Variants in CPM observed in about 807,000 individuals in gnomAD.
CPM encodes renal carboxypeptidase.
Under a neutral mutation model 46.4 loss-of-function variants are expected in CPM, and 35 were observed. The ratio of observed to expected loss-of-function variants is 0.75; its 90% CI spans 0.58 to 1.00. CPM has a LOEUF of 1.00. CPM is among the 50% of genes least tolerant of loss of function. The pLI, the probability that CPM is intolerant of heterozygous loss-of-function variation, is 0.00. For missense variants in CPM, 422 were observed against 530.4 expected, an observed-to-expected ratio of 0.80 and a Z score of 2.01; for synonymous variants, 195 against 195.3, an observed-to-expected ratio of 1.00 and a Z score of 0.01.
At chr12:68,925,208 A>T (rs1288269968) in intron 2 of CPM, among the ~76,000 whole-genome samples, 1 of 152,214 alleles carries the variant, frequency 6.6e-6, no homozygotes, top group African/African-American at 2.4e-5. Flanking sequence ...AAATCAACAC[A>T]ATCTTTTTGG....
At chr12:68,872,736 A>G (rs1885764891) in intron 3 of CPM, among the ~76,000 whole-genome samples, 1 of 146,596 alleles carries the variant, frequency 6.8e-6, no homozygotes, top group African/African-American at 2.7e-5. Flanking sequence ...ATCACATTGT[A>G]GATTTTTTTT....
intron 3 of CPM, among the ~76,000 whole-genome samples, chr12:68,884,224 T>C (rs1177252492): frequency 4.6e-5 from 7 of 152,020 alleles, no homozygotes; most frequent in African/African-American, 1.7e-4. Context: ...TAACGAACAG[T>C]TGTTTTATTA....
At chr12:68,927,271 T>C (rs1436802228) in intron 2 of CPM, among the ~76,000 whole-genome samples, 2 of 151,386 alleles carry the variant, frequency 1.3e-5, no homozygotes, top group African/African-American at 4.9e-5. Flanking sequence ...TGGTGTGAGA[T>C]GGTATCTCAT....
At chr12:68,890,228 T>C (rs1886599252) in intron 2 of CPM, among the ~76,000 whole-genome samples, 1 of 152,122 alleles carries the variant, frequency 6.6e-6, no homozygotes, top group South Asian at 2.1e-4. Context: ...CAGCAAGACC[T>C]GTCTCTTAAA....
At chr12:68,865,782 C>T (rs1885415262) in intron 7 of CPM, among the ~76,000 whole-genome samples, 1 of 152,200 alleles carries the variant, frequency 6.6e-6, no homozygotes, top group Non-Finnish European at 1.5e-5. Flanking sequence ...CCCAAAGAGA[C>T]ACCACCTGGT....
intron 2 of CPM, among the ~76,000 whole-genome samples, chr12:68,893,129 TA>T (rs1173452056): frequency 2.5e-5 from 2 of 80,138 alleles, no homozygotes; most frequent in African/African-American, 4.6e-5. Flanking sequence ...GAACTTAAAT[TA>T]AAAAAAAACA....
chr12:68,883,130 C>T (rs572089196), intron 3 of CPM, among the ~76,000 whole-genome samples: 30 of 152,310 alleles, frequency 2.0e-4, no homozygotes, highest in African/African-American at 6.7e-4. Flanking sequence ...GATTCTCCAC[C>T]TAAGGTCCAT....
chr12:68,955,301 TA>T (rs1028936220), intron 1 of CPM, among the ~76,000 whole-genome samples: 3 of 152,180 alleles, frequency 2.0e-5, no homozygotes, highest in East Asian at 1.9e-4. Context: ...GAAGCTCATT[TA>T]AAAAAATTTG....
At chr12:68,874,267 T>TC (rs1246528148) in intron 3 of CPM, among the ~76,000 whole-genome samples, 1 of 152,060 alleles carries the variant, frequency 6.6e-6, no homozygotes. Flanking sequence ...ACTTATGACC[T>TC]CCCCTAAAGC....
upstream of CPM, among the ~76,000 whole-genome samples, chr12:68,937,210 G>A (rs1888686714): frequency 6.6e-6 from 1 of 152,208 alleles, no homozygotes; most frequent in Non-Finnish European, 1.5e-5. Flanking sequence ...GATGTGTTGA[G>A]TTTGTATATG....
intron 2 of CPM, among the ~76,000 whole-genome samples, chr12:68,920,702 T>C (rs796471819): frequency 6.7e-5 from 10 of 149,660 alleles, no homozygotes; most frequent in African/African-American, 2.5e-4. Flanking sequence ...TCTTTTTCTT[T>C]TTTTTTTTTA....
Position 68,856,646 on chromosome 12 carries a change from T to C in CPM, c.1123A>G (p.Lys375Glu). The change falls in exon 9 of 9, where the codon AAG becomes GAG. Residue 375 changes from lysine (K) to glutamate (E), a missense_variant. Lys to Glu is a moderately conservative substitution (Grantham distance 56). Coordinates refer to ENST00000551568, the MANE Select transcript of CPM (RefSeq NM_198320.5). The stretch of plus-strand genomic sequence containing the variant: ...TGGGATTTCTCCGGAATAATCACCT[T>C]TGTGATGTGTGGATCATGTCCAGGG... ...TVPGHDPHIT[K>E]VIIPEKSQNF... The C allele has an allele frequency of 6.2e-7, 1 of 1,614,216 alleles. No individual in the cohort carries two copies. The highest frequency in any genetic ancestry group is 1.1e-5 in the South Asian group (1 of 91,086).
At chr12:68,918,050 T>C (rs1887882178) in intron 2 of CPM, among the ~76,000 whole-genome samples, 1 of 152,210 alleles carries the variant, frequency 6.6e-6, no homozygotes, top group Non-Finnish European at 1.5e-5. Flanking sequence ...TATGATTCTA[T>C]ATTGAGTCGT....
chr12:68,891,843 T>C (rs1886667089), intron 2 of CPM, among the ~76,000 whole-genome samples: 1 of 152,150 alleles, frequency 6.6e-6, no homozygotes, highest in South Asian at 2.1e-4. Context: ...TTCAAACGAC[T>C]CTCATGTCTC....
At chr12:68,916,285 TA>T (rs893980088) in intron 2 of CPM, among the ~76,000 whole-genome samples, 79 of 150,568 alleles carry the variant, frequency 5.2e-4, no homozygotes, top group African/African-American at 1.7e-3. Context: ...AATTGCTGAT[TA>T]AAAAAAAAAT....
At chr12:68,929,407 C>T (rs949992054) in intron 2 of CPM, among the ~76,000 whole-genome samples, 12 of 152,202 alleles carry the variant, frequency 7.9e-5, no homozygotes, top group Middle Eastern at 3.4e-3. Flanking sequence ...CTTAATTGAA[C>T]GGAGGATTGA....
chr12:68,914,565 A>G (rs1396171763), intron 2 of CPM, among the ~76,000 whole-genome samples: 1 of 152,244 alleles, frequency 6.6e-6, no homozygotes, highest in African/African-American at 2.4e-5. Flanking sequence ...AATAATTACA[A>G]TATTCCAAAA....
intron 1 of CPM, among the ~76,000 whole-genome samples, chr12:68,954,076 T>C (rs1187590589): frequency 6.6e-6 from 1 of 152,230 alleles, no homozygotes; most frequent in African/African-American, 2.4e-5. Flanking sequence ...ATAAAGTTAT[T>C]CATGCTGGTT....
chr12:68,872,679 A>G (rs1885762295), intron 3 of CPM, among the ~76,000 whole-genome samples: 1 of 152,160 alleles, frequency 6.6e-6, no homozygotes, highest in Admixed American at 6.6e-5. Flanking sequence ...TGCATGGTGC[A>G]TATGAAGCTT....
Sources: allele counts gnomAD v4.1 joint callset (sites outside exome capture counted in the v4.1 genomes callset), GRCh38; gene constraint gnomAD v4.1.1; transcripts MANE v1.5; gene names NCBI Gene and HGNC (gene_info 2026-07-23, HGNC 2026-07-21).